The following NOL4 variants were observed in gnomAD, a reference collection of about 807,000 sequenced individuals.
The protein encoded by NOL4 is cancer/testis antigen 125.
Under a neutral mutation model 75.9 loss-of-function variants are expected in NOL4, and 17 were observed. The observed-to-expected ratio is 0.22, with a 90% CI of 0.15 to 0.34. The LOEUF (loss-of-function observed/expected upper bound fraction) is 0.34. NOL4 is among the 10% of genes least tolerant of loss of function. The pLI is 1.00. For missense variants in NOL4, 614 were observed against 793.5 expected (o/e 0.77, Z 2.72); for synonymous variants, 292 against 289.9 (o/e 1.01, Z -0.07).
At chr18:34,024,264 G>T (rs1232985411) in intron 5 of NOL4, among the ~76,000 whole-genome samples, 1 of 141,530 alleles carries the variant, frequency 7.1e-6, no homozygotes. Context: ...CCAAAATTCA[G>T]GTCAGATGCT....
chr18:34,187,370 CTTTTTTTTTTT>C (rs545524361), intron 1 of NOL4, among the ~76,000 whole-genome samples: 2 of 78,352 alleles, frequency 2.6e-5, no homozygotes, highest in Non-Finnish European at 4.5e-5. Context: ...TAGTCCACTT[CTTTTTTTTTTT>C]TTTTTTTTTT....
chr18:33,964,233 CT>C (rs2145803056), intron 6 of NOL4, among the ~76,000 whole-genome samples: 1 of 152,192 alleles, frequency 6.6e-6, no homozygotes, highest in South Asian at 2.1e-4. Context: ...ACTGATTACA[CT>C]TTTGAGTTAC....
intron 8 of NOL4, among the ~76,000 whole-genome samples, chr18:33,953,268 T>A (rs902374279): frequency 9.1e-6 from 1 of 110,164 alleles, no homozygotes; most frequent in African/African-American, 3.2e-5. Context: ...ACATTCATTT[T>A]TTCTACCTAA....
chr18:34,063,923 T>C (rs1216581436), intron 5 of NOL4, among the ~76,000 whole-genome samples: 1 of 152,056 alleles, frequency 6.6e-6, no homozygotes. Context: ...AAAGTGCTTT[T>C]ATTATGATTA....
chr18:33,878,401 A>G (rs2064058835), intron 10 of NOL4, among the ~76,000 whole-genome samples: 1 of 152,120 alleles, frequency 6.6e-6, no homozygotes, highest in Non-Finnish European at 1.5e-5. Flanking sequence ...TACTAAGTAA[A>G]TTAAAAGGGC....
intron 8 of NOL4, among the ~76,000 whole-genome samples, chr18:33,954,397 G>A (rs2069489254): frequency 6.6e-6 from 1 of 152,116 alleles, no homozygotes; most frequent in South Asian, 2.1e-4. Flanking sequence ...TAATCTGAAT[G>A]TAAGGGACTA....
chr18:33,986,406 A>G (rs1295985882), intron 6 of NOL4, among the ~76,000 whole-genome samples: 1 of 152,142 alleles, frequency 6.6e-6, no homozygotes, highest in Non-Finnish European at 1.5e-5. Context: ...AACTTTTTAT[A>G]AAAACACAAA....
chr18:34,037,607 C>A (rs1283849219), intron 5 of NOL4, among the ~76,000 whole-genome samples: 1 of 152,054 alleles, frequency 6.6e-6, no homozygotes, highest in Non-Finnish European at 1.5e-5. Context: ...CAAAATAAAT[C>A]TTTATATTTA....
intron 1 of NOL4, among the ~76,000 whole-genome samples, chr18:34,149,464 C>T (rs561124910): frequency 1.3e-5 from 2 of 151,502 alleles, no homozygotes; most frequent in South Asian, 4.2e-4. Flanking sequence ...AACCTAAATA[C>T]AAGGGAAAGG....
chr18:34,080,194 T>C (rs2077940402), intron 5 of NOL4, among the ~76,000 whole-genome samples: 1 of 152,164 alleles, frequency 6.6e-6, no homozygotes, highest in African/African-American at 2.4e-5. Flanking sequence ...TTGAGAAGCA[T>C]TTGCAGCTCC....
intron 6 of NOL4, among the ~76,000 whole-genome samples, chr18:33,962,215 A>G (rs959175130): frequency 1.3e-5 from 2 of 152,158 alleles, no homozygotes; most frequent in Admixed American, 6.6e-5. Flanking sequence ...GTATAATACC[A>G]TACATCCTCC....
At chr18:34,180,557 G>C (rs966293343) in intron 1 of NOL4, among the ~76,000 whole-genome samples, 1 of 151,456 alleles carries the variant, frequency 6.6e-6, no homozygotes, top group South Asian at 2.1e-4. Context: ...TCAGGAAGGA[G>C]ACAAGAGTGT....
chr18:34,129,096 T>C (rs1381700475), intron 2 of NOL4, among the ~76,000 whole-genome samples: 3 of 151,918 alleles, frequency 2.0e-5, no homozygotes, highest in African/African-American at 4.8e-5. Flanking sequence ...GAAATATCTA[T>C]AGTAATATGA....
At chr18:33,909,624 T>G (rs941133108) in intron 9 of NOL4, among the ~76,000 whole-genome samples, 1 of 152,164 alleles carries the variant, frequency 6.6e-6, no homozygotes, top group African/African-American at 2.4e-5. Flanking sequence ...TTTTATTATC[T>G]CATGTCTATA....
intron 8 of NOL4, among the ~76,000 whole-genome samples, chr18:33,947,315 T>G (rs531156517): frequency 6.6e-6 from 1 of 151,872 alleles, no homozygotes; most frequent in South Asian, 2.1e-4. Flanking sequence ...CACCACAGTA[T>G]GGTCTTTCTA....
intron 9 of NOL4, among the ~76,000 whole-genome samples, chr18:33,941,687 T>C (rs1568099732): frequency 6.6e-6 from 1 of 151,940 alleles, no homozygotes; most frequent in African/African-American, 2.4e-5. Flanking sequence ...ACTATTGCTG[T>C]CTTTCATATG....
chr18:33,889,956 A>C (rs1392648571), intron 9 of NOL4, among the ~76,000 whole-genome samples: 12 of 152,268 alleles, frequency 7.9e-5, no homozygotes, highest in African/African-American at 2.2e-4. Flanking sequence ...AACTGAAAGC[A>C]TTCCCTTTGA....
chr18:34,112,034 C>A (rs2079612851), intron 2 of NOL4, among the ~76,000 whole-genome samples: 1 of 152,116 alleles, frequency 6.6e-6, no homozygotes, highest in African/African-American at 2.4e-5. Context: ...GATATCTGCA[C>A]TCCTATGTTC....
chr18:34,107,693 A>C (rs965751280), intron 2 of NOL4, among the ~76,000 whole-genome samples: 8 of 152,060 alleles, frequency 5.3e-5, no homozygotes, highest in African/African-American at 1.9e-4. Flanking sequence ...AAAAAAAAAA[A>C]AACTTTTTTC....
Sources: allele counts gnomAD v4.1 joint callset (sites outside exome capture counted in the v4.1 genomes callset), GRCh38; gene constraint gnomAD v4.1.1; transcripts MANE v1.5; gene names NCBI Gene and HGNC (gene_info 2026-07-23, HGNC 2026-07-21).